Variants in SASH1 observed in about 807,000 individuals in gnomAD.
The protein encoded by SASH1 is SAM and SH3 domain-containing protein 1.
A neutral mutation model predicts 125.2 loss-of-function variants in SASH1; 44 were observed. The observed-to-expected ratio is 0.35, with a 90% CI of 0.28 to 0.45. SASH1 has a LOEUF of 0.45. Among genes scored for constraint, SASH1 ranks in the 20% least tolerant of loss-of-function variants. SASH1 has a pLI of 1.00. For synonymous variants in SASH1, 639 were observed against 649.1 expected, an observed-to-expected ratio of 0.98 and a Z score of 0.24; for missense variants, 1,426 against 1,614.5, an observed-to-expected ratio of 0.88 and a Z score of 2.00.
the SASH1 span, among the ~76,000 whole-genome samples, chr6:148,232,996 A>T: frequency 6.6e-6 from 1 of 152,070 alleles, no homozygotes; most frequent in Non-Finnish European, 1.5e-5. Flanking sequence ...TGGGCGGATC[A>T]CCTGAGATCG....
chr6:148,396,899 C>T (rs1175251243), intron 2 of SASH1, among the ~76,000 whole-genome samples: 1 of 152,130 alleles, frequency 6.6e-6, no homozygotes, highest in Non-Finnish European at 1.5e-5. Flanking sequence ...AAATTGCTGT[C>T]ATCATAAGTG....
intron 1 of SASH1, among the ~76,000 whole-genome samples, chr6:148,378,068 T>G (rs967191413): frequency 6.6e-6 from 1 of 151,804 alleles, no homozygotes; most frequent in African/African-American, 2.4e-5. Flanking sequence ...TTTTTTTTTT[T>G]TTGACGGAGT....
rs557744230 is a variant in SASH1, at chr6:148,294,309, G to A, written n.74+21932G>A. 6.6e-5 allele frequency among the ~76,000 whole-genome samples: 10 copies of A among 152,322 alleles called. No individual in the cohort carries two copies. The East Asian group carries it at 1.5e-3, about 24-fold the overall frequency. On this transcript the variant is annotated intron_variant and non_coding_transcript_variant, in intron 1 of 3. Coordinates refer to the SASH1 transcript ENST00000367469. ...TCAGCGGTTGAAATGGAGACCAGGG[G>A]CAGAATCCAGGAACGGTTGAGAACA...
intron 6 of SASH1, among the ~76,000 whole-genome samples, chr6:148,472,316 G>A (rs971945674): frequency 6.6e-6 from 1 of 152,142 alleles, no homozygotes; most frequent in Non-Finnish European, 1.5e-5. Context: ...CAGCAGACAC[G>A]TCACAGCACA....
rs186872448 is a variant in SASH1 at position 148,295,872 on chromosome 6, T to A, written n.74+23495T>A. ...TGCTGTATTGCCCACACCTTGCCCC[T>A]TAGTGAAATTGTTAATTTTCAATAT... On this transcript the variant is annotated intron_variant and non_coding_transcript_variant, in intron 1 of 3. Coordinates refer to the SASH1 transcript ENST00000367469. Among the ~76,000 whole-genome samples the A allele has an allele frequency of 1.5e-4, 23 of 152,360 alleles. 1 individual carries two copies. Among genetic ancestry groups the A allele is most frequent in the African/African-American group, 5.3e-4 (22 of 41,588 alleles).
At chr6:148,371,685 C>T (rs79247514) in intron 1 of SASH1, among the ~76,000 whole-genome samples, 5,982 of 152,124 alleles carry the variant, frequency 0.039, 198 homozygotes, top group South Asian at 0.16. Context: ...CCAGGATGTC[C>T]TCTGGGTTCA....
At chr6:148,467,343 C>T (rs989597353) in intron 4 of SASH1, among the ~76,000 whole-genome samples, 16 of 151,932 alleles carry the variant, frequency 1.1e-4, no homozygotes, top group Non-Finnish European at 2.9e-5. Context: ...GTGATCTGCC[C>T]ACCTCGTTCC....
At chr6:148,445,526 A>G (rs1161654216) in intron 4 of SASH1, among the ~76,000 whole-genome samples, 1 of 152,226 alleles carries the variant, frequency 6.6e-6, no homozygotes, top group Non-Finnish European at 1.5e-5. Context: ...AAAACCTGAC[A>G]AATAGTGATT....
the SASH1 span, among the ~76,000 whole-genome samples, chr6:148,250,274 T>C: frequency 6.6e-6 from 1 of 152,192 alleles, no homozygotes; most frequent in African/African-American, 2.4e-5. Context: ...CATCTTTTCC[T>C]TCCTCTTGTT....
At chr6:148,545,624 G>C (rs555823797) in intron 18 of SASH1, among the ~76,000 whole-genome samples, 1 of 152,332 alleles carries the variant, frequency 6.6e-6, no homozygotes, top group South Asian at 2.1e-4. Context: ...TGATTGAGGC[G>C]AAGGCATTGT....
chr6:148,334,772 A>G (rs1248728049), intron 1 of SASH1, among the ~76,000 whole-genome samples: 1 of 151,570 alleles, frequency 6.6e-6, no homozygotes, highest in East Asian at 2.0e-4. Flanking sequence ...AGATCGCACC[A>G]CTGCACTCCA....
At chr6:148,483,941 G>T (rs1428974887) in intron 7 of SASH1, among the ~76,000 whole-genome samples, 1 of 152,166 alleles carries the variant, frequency 6.6e-6, no homozygotes, top group Non-Finnish European at 1.5e-5. Context: ...ATGGGGAGAA[G>T]TTGGAAAGGA....
At chr6:148,194,838 G>A in the SASH1 span, among the ~76,000 whole-genome samples, 4 of 152,300 alleles carry the variant, frequency 2.6e-5, no homozygotes, top group Middle Eastern at 3.4e-3. Context: ...CCTAGGAGGC[G>A]GAGCTGGCAG....
chr6:148,250,306 G>A, the SASH1 span, among the ~76,000 whole-genome samples: 8 of 152,190 alleles, frequency 5.3e-5, no homozygotes, highest in African/African-American at 1.9e-4. Context: ...ATCTCACCCT[G>A]GATATCTGCC....
At chr6:148,279,347 A>G (rs938193092) in intron 1 of SASH1, among the ~76,000 whole-genome samples, 8 of 152,168 alleles carry the variant, frequency 5.3e-5, no homozygotes, top group African/African-American at 1.7e-4. Context: ...TGGCAGGGTT[A>G]TTGTGAGGAT....
At chr6:148,389,760 G>T (rs9498029) in intron 1 of SASH1, among the ~76,000 whole-genome samples, 34,941 of 152,148 alleles carry the variant, frequency 0.23, 4,017 homozygotes, top group Middle Eastern at 0.28. Context: ...TGCTGAAGGT[G>T]CTTCCCTGGT....
chr6:148,208,967 CT>C, the SASH1 span, among the ~76,000 whole-genome samples: 1 of 152,060 alleles, frequency 6.6e-6, no homozygotes, highest in East Asian at 1.9e-4. Context: ...AAAATAAGGC[CT>C]TTTTCTGCTG....
At chr6:148,367,672 G>A (rs990354160) in intron 1 of SASH1, among the ~76,000 whole-genome samples, 2 of 152,364 alleles carry the variant, frequency 1.3e-5, no homozygotes, top group African/African-American at 4.8e-5. Flanking sequence ...TTCCTAGTCT[G>A]TGAGTTACAA....
chr6:148,450,691 CTTTTT>C (rs10594605), intron 4 of SASH1, among the ~76,000 whole-genome samples: 1 of 145,012 alleles, frequency 6.9e-6, no homozygotes, highest in Non-Finnish European at 1.5e-5. Flanking sequence ...TATATGTTAT[CTTTTT>C]TTTTTTTTTG....
Sources: gnomAD v4.1 joint callset for allele counts (sites outside exome capture counted in the v4.1 genomes callset) on GRCh38, gnomAD v4.1.1 for gene constraint, MANE v1.5 for transcripts, NCBI Gene and HGNC (gene_info 2026-07-23, HGNC 2026-07-21) for gene names.